Variants in NAA50 observed in about 807,000 individuals in gnomAD.
The protein encoded by NAA50 is N-alpha-acetyltransferase 50.
A neutral mutation model predicts 20.7 loss-of-function variants in NAA50; 7 were observed. The observed-to-expected ratio is 0.34, with a 90% CI of 0.19 to 0.63. The LOEUF (loss-of-function observed/expected upper bound fraction) is 0.63. NAA50 is among the 30% of genes least tolerant of loss of function. The pLI is 0.75. For synonymous variants in NAA50, 54 were observed against 70.6 expected, an observed-to-expected ratio of 0.77 and a Z score of 1.18; for missense variants, 111 against 199.1, an observed-to-expected ratio of 0.56 and a Z score of 2.66.
Position 113,719,344 on chromosome 3 carries a change from AG to A in NAA50, c.*2415del, listed in dbSNP as rs1397004069. On this transcript the variant is annotated 3_prime_UTR_variant, in exon 5 of 5. Coordinates refer to ENST00000240922, the MANE Select transcript of NAA50 (RefSeq NM_025146.4). ...TGTAATTTTAACCTATTTGCCCCAC[AG>A]TAAAAACTATCTGTCCTGAAAAATA... The A allele has an allele frequency of 6.6e-6, 1 of 152,560 alleles. No individual in the cohort carries two copies. Among genetic ancestry groups the A allele is most frequent in the Non-Finnish European group, 1.5e-5 (1 of 68,028 alleles). 9.5% of individuals were successfully genotyped at this position (152,560 alleles called of 1,614,324 possible). A position where few individuals can be genotyped will look rare whatever the true frequency, so the allele number is the denominator to read the frequency against.
At position 113,720,414 on chromosome 3, in the gene NAA50, A is replaced by G. The variant is rs1251656923; in HGVS notation, c.*1346T>C. On this transcript the variant is annotated 3_prime_UTR_variant, in exon 5 of 5. Transcript: ENST00000240922. Reference sequence around the variant, plus strand: ...GATGGGACTACAAAAGGAAAACATGAATATTTCAGATGTCTCCCATCTTAC... The same window carrying G: ...GATGGGACTACAAAAGGAAAACATGGATATTTCAGATGTCTCCCATCTTAC... 1 of 152,632 alleles carries G rather than the reference A, an allele frequency of 6.6e-6. No individual in the cohort carries two copies. The highest frequency in any genetic ancestry group is 6.5e-5 in the Admixed American group (1 of 15,286). 9.5% of individuals were successfully genotyped at this position (152,632 alleles called of 1,614,324 possible).
chr3:113,745,756 C>T (rs1708486018), intron 1 of NAA50, 186 bp downstream of exon 1: 2 of 684,114 alleles, frequency 2.9e-6, no homozygotes, highest in Non-Finnish European at 4.6e-6. Flanking sequence ...GCTGGCCCTT[C>T]AGCCCGCCAA....
At position 113,726,709 on chromosome 3, in the gene NAA50, A is replaced by G. The variant is rs1361344140; in HGVS notation, c.9-2614T>C. Among the ~76,000 whole-genome samples, 3 of 150,984 alleles carry G rather than the reference A, an allele frequency of 2.0e-5. No individual in the cohort carries two copies. The Admixed American group carries it at 2.0e-4, about 10-fold the overall frequency. ...CAGTGAGCCAAGATCGCACCACTGT[A>G]CTCCAGCCTGGGCGAGAGAGCAAGA... is the stretch of plus-strand genomic sequence containing the variant. On this transcript the variant is annotated intron_variant, in intron 1 of 4. Transcript: ENST00000240922.
intron 1 of NAA50, among the ~76,000 whole-genome samples, chr3:113,745,073 C>G (rs1165365283): frequency 6.6e-6 from 1 of 152,172 alleles, no homozygotes; most frequent in Non-Finnish European, 1.5e-5. Flanking sequence ...CGGCTTGAGA[C>G]AATGCTTCGG....
chr3:113,730,294 G>C, intron 1 of NAA50, among the ~76,000 whole-genome samples: 1 of 151,948 alleles, frequency 6.6e-6, no homozygotes. Context: ...GAGTGAGACT[G>C]TTCAAAAAAA....
At chr3:113,743,276 C>T (rs2566970) in intron 1 of NAA50, among the ~76,000 whole-genome samples, 54,398 of 152,020 alleles carry the variant, frequency 0.36, 9,819 homozygotes, top group East Asian at 0.4. Context: ...ATTTGACTGG[C>T]TTCGTGTTGG....
Position 113,721,949 on chromosome 3 carries a change from G to C in NAA50, c.333-12C>G. On this transcript the variant is annotated splice_polypyrimidine_tract_variant and intron_variant, in intron 4 of 4. Transcript: ENST00000240922. ...TGATCTGGACATGCCTGAGATATAA[G>C]AGAGTATCAGAAAAAAAATTAAAAT... is the stretch of plus-strand genomic sequence containing the variant. 6.3e-7 allele frequency: 1 copy of C among 1,594,194 alleles called. No homozygotes were observed. Among genetic ancestry groups the C allele is most frequent in the Non-Finnish European group, 8.5e-7 (1 of 1,172,860 alleles).
At position 113,746,150 on chromosome 3, in the gene NAA50, G is replaced by A; in HGVS notation, c.-201C>T. On this transcript the variant is annotated 5_prime_UTR_variant, in exon 1 of 5. Transcript: ENST00000240922. Reference sequence around the variant, plus strand: ...GGTGGGGGCGGGAGTGTCTCCCGCCGCCGCGCTTGTGCCGCCGCTTCTCCA... The same window carrying A: ...GGTGGGGGCGGGAGTGTCTCCCGCCACCGCGCTTGTGCCGCCGCTTCTCCA... The A allele has an allele frequency of 1.7e-6, 1 of 580,626 alleles. No homozygotes were observed. The highest frequency in any genetic ancestry group is 3.4e-5 in the East Asian group (1 of 29,464). 36.0% of individuals were successfully genotyped at this position (580,626 alleles called of 1,614,324 possible). A position where few individuals can be genotyped will look rare whatever the true frequency, so the allele number is the denominator to read the frequency against.
Position 113,718,099 on chromosome 3 carries a change from TTCTTA to T in NAA50, c.*3656_*3660del, listed in dbSNP as rs1248364533. 3 of 152,312 alleles carry T rather than the reference TTCTTA, an allele frequency of 2.0e-5. No individual in the cohort carries two copies. Among genetic ancestry groups the T allele is most frequent in the Non-Finnish European group, 2.9e-5 (2 of 68,022 alleles). The allele number at this position is 152,312 out of a possible 1,614,324, so 9.4% of individuals were successfully genotyped here. A position where few individuals can be genotyped will look rare whatever the true frequency, so the allele number is the denominator to read the frequency against. ...TAAAAAAGTATGGTTTCTGCTCACT[TTCTTA>T]TATCACCTGCTCTAGGGGAAGCCAC... On this transcript the variant is annotated 3_prime_UTR_variant, in exon 5 of 5. Transcript: ENST00000240922.
rs763007326 is a variant in NAA50, at chr3:113,721,913, C to T, written c.357G>A (p.Ser119=). Residue 119 remains serine (S), a synonymous_variant, in exon 5 of 5, where the codon TCG becomes TCA. Coordinates refer to ENST00000240922, the MANE Select transcript of NAA50 (RefSeq NM_025146.4). ...CAAACTTCCTGTAGAAGTCAATTGC[C>T]GACTCATTGCTGATCTGGACATGCC... ...IYLHVQISNE[S]AIDFYRKFGF... 59 of 1,613,418 alleles carry T rather than the reference C, an allele frequency of 3.7e-5. No homozygotes were observed. The highest frequency in any genetic ancestry group is 6.6e-5 in the South Asian group (6 of 91,050).
At position 113,746,095 on chromosome 3, in the gene NAA50, G is replaced by A; in HGVS notation, c.-146C>T. The A allele has an allele frequency of 9.4e-7, 1 of 1,063,286 alleles. No individual in the cohort carries two copies. The highest frequency in any genetic ancestry group is 1.3e-6 in the Non-Finnish European group (1 of 743,984). 65.9% of individuals were successfully genotyped at this position (1,063,286 alleles called of 1,614,324 possible). A position where few individuals can be genotyped will look rare whatever the true frequency, so the allele number is the denominator to read the frequency against. The stretch of plus-strand genomic sequence containing the variant: ...GCAGGGAGCTGTGCGAGCAACGAAG[G>A]CCGCGAGAGTCGAGTGAGGGCTTGA... On this transcript the variant is annotated 5_prime_UTR_variant, in exon 1 of 5. Transcript: ENST00000240922.
intron 1 of NAA50, 40 bp downstream of exon 1, chr3:113,745,902 T>C (rs1449143450): frequency 1.2e-6 from 2 of 1,600,108 alleles, no homozygotes; most frequent in East Asian, 2.3e-5. Flanking sequence ...CGGACCCTTC[T>C]ACCCCACCGG....
chr3:113,740,559 G>C (rs1189082299), intron 1 of NAA50, among the ~76,000 whole-genome samples: 2 of 152,104 alleles, frequency 1.3e-5, no homozygotes, highest in African/African-American at 4.8e-5. Context: ...TTTTTGTAGA[G>C]ATGAGGTCTC....
In NAA50 at chr3:113,716,498, T is replaced by C. The variant is rs1375809796; in HGVS notation, c.*5262A>G. On this transcript the variant is annotated 3_prime_UTR_variant, in exon 5 of 5. Coordinates refer to ENST00000240922, the MANE Select transcript of NAA50 (RefSeq NM_025146.4). Reference sequence around the variant, plus strand: ...TTTTATTATACTTTAGGGGAAGAGATGGCTAGTGACAAGGAGAATTCAAGA... The same window carrying C: ...TTTTATTATACTTTAGGGGAAGAGACGGCTAGTGACAAGGAGAATTCAAGA... 2.0e-5 allele frequency: 3 copies of C among 152,240 alleles called. No homozygotes were observed. In the East Asian group the frequency reaches 5.8e-4, roughly 29 times the overall value. The allele number at this position is 152,240 out of a possible 1,614,324, so 9.4% of individuals were successfully genotyped here. A position where few individuals can be genotyped will look rare whatever the true frequency, so the allele number is the denominator to read the frequency against.
At chr3:113,733,798 A>G (rs1365953853) in intron 1 of NAA50, among the ~76,000 whole-genome samples, 2 of 140,010 alleles carry the variant, frequency 1.4e-5, no homozygotes, top group Non-Finnish European at 3.0e-5. Flanking sequence ...GGTTTCAGTG[A>G]GCTGAGATCA....
intron 4 of NAA50, 62 bp downstream of exon 4, chr3:113,722,844 G>C: frequency 6.9e-7 from 1 of 1,455,066 alleles, no homozygotes; most frequent in Non-Finnish European, 9.2e-7. Flanking sequence ...AAAGTTTCTA[G>C]TAAAGATTTC....
At chr3:113,729,803 C>T (rs1305038985) in intron 1 of NAA50, among the ~76,000 whole-genome samples, 1 of 152,184 alleles carries the variant, frequency 6.6e-6, no homozygotes, top group Non-Finnish European at 1.5e-5. Context: ...AGCAATCCAC[C>T]TGCCTCAGCC....
chr3:113,723,731 G>A, intron 2 of NAA50, 190 bp from the exon 3 acceptor site: 1 of 792,242 alleles, frequency 1.3e-6, no homozygotes, highest in Non-Finnish European at 1.9e-6. Context: ...AGCTTAAAGT[G>A]AAAACACACA....
rs1192348695 is a variant in NAA50 at position 113,716,671 on chromosome 3, T to G, written c.*5089A>C. On this transcript the variant is annotated 3_prime_UTR_variant, in exon 5 of 5. Transcript: ENST00000240922. ...ACAGTGATTCAACATGTGCTTTAAT[T>G]TATACTGCTTAGATCCTTTGAGTTC... 1 of 152,246 alleles carries G rather than the reference T, an allele frequency of 6.6e-6. No individual in the cohort carries two copies. Among genetic ancestry groups the G allele is most frequent in the Non-Finnish European group, 1.5e-5 (1 of 68,042 alleles). 9.4% of individuals were successfully genotyped at this position (152,246 alleles called of 1,614,324 possible).
Sources: gnomAD v4.1 joint callset for allele counts (sites outside exome capture counted in the v4.1 genomes callset) on GRCh38, gnomAD v4.1.1 for gene constraint, MANE v1.5 for transcripts, NCBI Gene and HGNC (gene_info 2026-07-23, HGNC 2026-07-21) for gene names.